Variants in KIRREL3 observed in about 807,000 individuals in gnomAD.
The protein encoded by KIRREL3 is kirre like nephrin family adhesion molecule 3.
A neutral mutation model predicts 89.7 loss-of-function variants in KIRREL3; 36 were observed. The ratio of observed to expected loss-of-function variants is 0.40; its 90% CI spans 0.31 to 0.53. The LOEUF is 0.53. Ranked by LOEUF, KIRREL3 falls within the 20% of genes least tolerant of loss-of-function variation. KIRREL3 has a pLI of 0.49. For synonymous variants in KIRREL3, 445 were observed against 441.4 expected (o/e 1.01, Z -0.10); for missense variants, 864 against 1,056.6 (o/e 0.82, Z 2.53).
intron 1 of KIRREL3, among the ~76,000 whole-genome samples, chr11:126,712,842 G>A (rs1011650738): frequency 6.6e-6 from 1 of 152,166 alleles, no homozygotes; most frequent in Admixed American, 6.5e-5. Context: ...TCAGATCCCC[G>A]CACCAGTCAC....
rs997635379 is a variant in KIRREL3, at chr11:126,747,647, C to T, written c.56-184735G>A. Among the ~76,000 whole-genome samples the T allele has an allele frequency of 2.2e-4, 34 of 152,070 alleles. No homozygotes were observed. Among genetic ancestry groups the T allele is most frequent in the African/African-American group, 7.7e-4 (32 of 41,398 alleles). On this transcript the variant is annotated intron_variant, in intron 1 of 16. Transcript: ENST00000525144. The surrounding 1 kb of genome is among the most constrained non-coding windows in gnomAD (Gnocchi z 4.7). ...CCTGGTATAACTGAGAGCGCATCTC[C>T]CTTGAGTTCCTTGAGACTAGAAACG...
intron 4 of KIRREL3, among the ~76,000 whole-genome samples, chr11:126,503,123 CAGAT>C (rs1305389469): frequency 6.6e-6 from 1 of 152,214 alleles, no homozygotes; most frequent in Non-Finnish European, 1.5e-5. Context: ...GATTGCCACA[CAGAT>C]AGAAACCAAG....
rs954571428 is a variant in KIRREL3, at chr11:126,860,707, C to A, written c.55+139748G>T. Among the ~76,000 whole-genome samples, 1 of 152,134 alleles carries A rather than the reference C, an allele frequency of 6.6e-6. No homozygotes were observed. The highest frequency in any genetic ancestry group is 2.4e-5 in the African/African-American group (1 of 41,420). The stretch of plus-strand genomic sequence containing the variant: ...TGTGTTTGAGAGACTTCTTCCCAAC[C>A]ACAGGGTGGAGAATGGGTGGCAGGC... On this transcript the variant is annotated intron_variant, in intron 1 of 16. Coordinates refer to ENST00000525144, the MANE Select transcript of KIRREL3 (RefSeq NM_032531.4). The surrounding 1 kb of genome is among the most constrained non-coding windows in gnomAD (Gnocchi z 4.6).
rs1185978071 is a variant in KIRREL3 at position 126,561,420 on chromosome 11, A to G, written c.133+1415T>C. Among the ~76,000 whole-genome samples the G allele has an allele frequency of 6.6e-6, 1 of 152,164 alleles. No individual in the cohort carries two copies. The highest frequency in any genetic ancestry group is 1.9e-4 in the East Asian group (1 of 5,204). ...TGACTTTTTGGCTTCCCCAATCCCTACAAACCTCTTTCGAGCTTCTCTAAT... is the reference window on the plus strand; with the variant it reads ...TGACTTTTTGGCTTCCCCAATCCCTGCAAACCTCTTTCGAGCTTCTCTAAT... On this transcript the variant is annotated intron_variant, in intron 2 of 16. Transcript: ENST00000525144. This position sits in a 1 kb window ranked among gnomAD's most constrained non-coding sequence, Gnocchi z 4.5.
rs1946327493 is a variant in KIRREL3, at chr11:126,900,399, A to G, written c.55+100056T>C. 6.6e-6 allele frequency among the ~76,000 whole-genome samples: 1 copy of G among 152,234 alleles called. No individual in the cohort carries two copies. Among genetic ancestry groups the G allele is most frequent in the African/African-American group, 2.4e-5 (1 of 41,464 alleles). ...GTCTAGAAATAGAAATAACAAACAC[A>G]AAAAAGAAAGCCTGCATGTTTATTG... On this transcript the variant is annotated intron_variant, in intron 1 of 16. Transcript: ENST00000525144. The surrounding 1 kb of genome is among the most constrained non-coding windows in gnomAD (Gnocchi z 4.4).
intron 1 of KIRREL3, among the ~76,000 whole-genome samples, chr11:126,925,712 C>G (rs539983236): frequency 6.6e-5 from 10 of 152,344 alleles, no homozygotes; most frequent in Non-Finnish European, 8.8e-5. Flanking sequence ...GTGGTCACCT[C>G]TGCTGCCTAC....
In KIRREL3 at chr11:126,651,246, T is replaced by G. The variant is rs2134972138; in HGVS notation, c.56-88334A>C. ...TCTCAGCTAGACTAAGAAAGTCTTT[T>G]GGGAATTGGTGGGATGGTGCACAGT... On this transcript the variant is annotated intron_variant, in intron 1 of 16. Coordinates refer to ENST00000525144, the MANE Select transcript of KIRREL3 (RefSeq NM_032531.4). This position sits in a 1 kb window ranked among gnomAD's most constrained non-coding sequence, Gnocchi z 4.6. Among the ~76,000 whole-genome samples, 1 of 152,364 alleles carries G rather than the reference T, an allele frequency of 6.6e-6. No individual in the cohort carries two copies. Among genetic ancestry groups the G allele is most frequent in the East Asian group, 1.9e-4 (1 of 5,188 alleles).
At chr11:126,722,787 A>C (rs1356996537) in intron 1 of KIRREL3, among the ~76,000 whole-genome samples, 2 of 152,232 alleles carry the variant, frequency 1.3e-5, no homozygotes, top group Non-Finnish European at 2.9e-5. Flanking sequence ...GAATTACTGC[A>C]TTCCCCGTTA....
At chr11:126,529,463 G>A (rs2134452831) in intron 2 of KIRREL3, among the ~76,000 whole-genome samples, 1 of 152,230 alleles carries the variant, frequency 6.6e-6, no homozygotes, top group East Asian at 1.9e-4. Context: ...GGATGGGGCT[G>A]AGCGGGAGAG....
chr11:126,762,184 T>TAAATA lies in KIRREL3; in HGVS notation c.56-199277_56-199273dup, dbSNP rs1315617041. 3.8e-3 allele frequency among the ~76,000 whole-genome samples: 583 copies of TAAATA among 151,946 alleles called. 6 individuals carry two copies. The highest frequency in any genetic ancestry group is 0.013 in the African/African-American group (551 of 41,424). On this transcript the variant is annotated intron_variant, in intron 1 of 16. Coordinates refer to ENST00000525144, the MANE Select transcript of KIRREL3 (RefSeq NM_032531.4). ...AGTGAGACTGTCATAAATAAATAAA[T>TAAATA]AAATAAATAAACAAACAAACAAATA...
intron 1 of KIRREL3, among the ~76,000 whole-genome samples, chr11:126,866,435 G>A (rs575596430): frequency 2.0e-5 from 3 of 152,138 alleles, no homozygotes; most frequent in Non-Finnish European, 4.4e-5. Context: ...TACTAAGGAC[G>A]TAACACCTTT....
chr11:126,586,343 G>A (rs1474282271), intron 1 of KIRREL3, among the ~76,000 whole-genome samples: 1 of 152,108 alleles, frequency 6.6e-6, no homozygotes, highest in Non-Finnish European at 1.5e-5. Context: ...AGGTAATTAG[G>A]TAATCCAGCT....
chr11:126,801,574 G>A (rs187897579), intron 1 of KIRREL3, among the ~76,000 whole-genome samples: 10 of 152,286 alleles, frequency 6.6e-5, no homozygotes, highest in African/African-American at 2.2e-4. Flanking sequence ...TGGTTTGCAC[G>A]AGAGGCCCTG....
Position 126,566,967 on chromosome 11 carries a change from G to A in KIRREL3, c.56-4055C>T, listed in dbSNP as rs772013204. Among the ~76,000 whole-genome samples, 1 of 152,182 alleles carries A rather than the reference G, an allele frequency of 6.6e-6. No individual in the cohort carries two copies. Among genetic ancestry groups the A allele is most frequent in the Non-Finnish European group, 1.5e-5 (1 of 68,028 alleles). ...CTAGCTGGTGATAGTGCCCATGCTG[G>A]AACCCATGGCTGATTTTTGGCTTGG... On this transcript the variant is annotated intron_variant, in intron 1 of 16. Transcript: ENST00000525144. This position sits in a 1 kb window ranked among gnomAD's most constrained non-coding sequence, Gnocchi z 4.9.
rs1184574010 is a variant in KIRREL3, at chr11:126,983,544, C to A, written c.55+16911G>T. 6.6e-6 allele frequency among the ~76,000 whole-genome samples: 1 copy of A among 152,132 alleles called. No homozygotes were observed. ...CACTTGGTTCCTTATGAGAAAGAAG[C>A]AGGTGGATCAGAGTCAGTAGTAGGT... On this transcript the variant is annotated intron_variant, in intron 1 of 16. Transcript: ENST00000525144. The surrounding 1 kb of genome is among the most constrained non-coding windows in gnomAD (Gnocchi z 4.9).
At position 126,705,868 on chromosome 11, in the gene KIRREL3, GA is replaced by G. The variant is rs1470491107; in HGVS notation, c.56-142957del. On this transcript the variant is annotated intron_variant, in intron 1 of 16. Coordinates refer to ENST00000525144, the MANE Select transcript of KIRREL3 (RefSeq NM_032531.4). This position sits in a 1 kb window ranked among gnomAD's most constrained non-coding sequence, Gnocchi z 4.3. ...GAAAGTGATGCTGCGTAACTTCTGG[GA>G]AAAACTTTAAGAGATTTGCTGTTTC... Among the ~76,000 whole-genome samples, 3 of 152,190 alleles carry G rather than the reference GA, an allele frequency of 2.0e-5. No homozygotes were observed. The highest frequency in any genetic ancestry group is 7.2e-5 in the African/African-American group (3 of 41,462).
chr11:126,456,655 C>T (rs371424086), intron 6 of KIRREL3, among the ~76,000 whole-genome samples: 119 of 152,284 alleles, frequency 7.8e-4, no homozygotes, highest in African/African-American at 2.5e-3. Flanking sequence ...AGGGCCTCCC[C>T]GTGGACTTGG....
At chr11:126,538,587 A>G (rs1938103803) in intron 2 of KIRREL3, among the ~76,000 whole-genome samples, 1 of 151,426 alleles carries the variant, frequency 6.6e-6, no homozygotes, top group Non-Finnish European at 1.5e-5. Flanking sequence ...AATTTCCAGA[A>G]TGCCCAGTTG....
upstream of KIRREL3, chr11:127,000,856 C>T (rs1421772386): frequency 2.4e-6 from 1 of 418,634 alleles, no homozygotes; most frequent in Non-Finnish European, 4.2e-6. The surrounding 1 kb of genome is among the most constrained non-coding windows in gnomAD (Gnocchi z 7.1). Flanking sequence ...GACAGAAGGA[C>T]TCCTTTCACT....
Sources: allele counts gnomAD v4.1 joint callset (sites outside exome capture counted in the v4.1 genomes callset), GRCh38; gene constraint gnomAD v4.1.1; non-coding constraint Gnocchi (gnomAD v3.1); transcripts MANE v1.5; gene names NCBI Gene and HGNC (gene_info 2026-07-23, HGNC 2026-07-21).